Variants in LRBA observed in about 807,000 individuals in gnomAD.
LRBA encodes lipopolysaccharide-responsive and beige-like anchor protein.
A neutral mutation model predicts 330.0 loss-of-function variants in LRBA; 176 were observed. That is an observed-to-expected ratio of 0.53 (90% CI 0.47 to 0.60). The LOEUF (loss-of-function observed/expected upper bound fraction) is 0.60. LRBA is among the 20% of genes least tolerant of loss of function. The probability of loss-of-function intolerance (pLI) is 0.00; values close to 1 mark genes in which losing one functional copy is unlikely to be tolerated. For synonymous variants in LRBA, 1,230 were observed against 1,193.0 expected, an observed-to-expected ratio of 1.03 and a Z score of -0.64; for missense variants, 3,259 against 3,444.8, an observed-to-expected ratio of 0.95 and a Z score of 1.35.
At chr4:150,717,520 T>C (rs1728366072) in intron 36 of LRBA, among the ~76,000 whole-genome samples, 2 of 151,324 alleles carry the variant, frequency 1.3e-5, no homozygotes, top group Non-Finnish European at 2.9e-5. Context: ...ATTAGCCAGG[T>C]GTGGTGGTGT....
At chr4:150,902,395 C>G (rs1478691491) in intron 13 of LRBA, among the ~76,000 whole-genome samples, 1 of 151,928 alleles carries the variant, frequency 6.6e-6, no homozygotes, top group Non-Finnish European at 1.5e-5. Context: ...ATGCCTGAGT[C>G]CCATCCCAGT....
intron 40 of LRBA, among the ~76,000 whole-genome samples, chr4:150,508,090 A>AG (rs1297154868): frequency 2.4e-5 from 2 of 85,056 alleles, no homozygotes; most frequent in Non-Finnish European, 2.3e-5. Flanking sequence ...GGGTGGGGGG[A>AG]GGGGAGGGAT....
intron 36 of LRBA, among the ~76,000 whole-genome samples, chr4:150,695,934 C>T (rs1690827011): frequency 6.6e-6 from 1 of 152,090 alleles, no homozygotes; most frequent in African/African-American, 2.4e-5. Context: ...AAATCTTACA[C>T]TTAAATATCA....
Position 150,852,346 on chromosome 4 carries a change from C to T in LRBA, c.3364G>A (p.Glu1122Lys). ...ELKVEGSPTE[E>K]ANLPTELQDN... The stretch of plus-strand genomic sequence containing the variant: ...TGGAGCTCTGTGGGTAGATTAGCTT[C>T]CTCAGTAGGACTGCCTTCTACTTTC... Residue 1122 changes from glutamate (E) to lysine (K), a missense_variant, in exon 23 of 57, where the codon GAA becomes AAA. Glu to Lys is a moderately conservative substitution (Grantham distance 56, BLOSUM62 1). Transcript: ENST00000651943. The T allele has an allele frequency of 6.2e-7, 1 of 1,613,906 alleles. No homozygotes were observed. Among genetic ancestry groups the T allele is most frequent in the Non-Finnish European group, 8.5e-7 (1 of 1,179,992 alleles).
At chr4:150,269,766 T>C (rs1034297866) in intron 56 of LRBA, among the ~76,000 whole-genome samples, 3 of 152,204 alleles carry the variant, frequency 2.0e-5, no homozygotes, top group Admixed American at 1.3e-4. Context: ...CTGGGCAACA[T>C]AGTGAGACCC....
chr4:150,693,541 G>C (rs1784336910), intron 36 of LRBA, among the ~76,000 whole-genome samples: 1 of 114,382 alleles, frequency 8.7e-6, no homozygotes, highest in African/African-American at 3.1e-5. Context: ...TCCAGCCTGG[G>C]TGACAGAGCG....
At chr4:150,456,363 T>C (rs1259746168) in intron 44 of LRBA, among the ~76,000 whole-genome samples, 1 of 152,176 alleles carries the variant, frequency 6.6e-6, no homozygotes, top group East Asian at 1.9e-4. Flanking sequence ...ACATAAGCCA[T>C]TTTAATTGGA....
chr4:150,570,335 T>C (rs922817173), intron 40 of LRBA, among the ~76,000 whole-genome samples: 1 of 152,102 alleles, frequency 6.6e-6, no homozygotes, highest in African/African-American at 2.4e-5. Context: ...GTAGGCTGCA[T>C]GAACAATCAT....
chr4:150,277,392 A>T (rs1171874784), intron 56 of LRBA, among the ~76,000 whole-genome samples: 1 of 152,138 alleles, frequency 6.6e-6, no homozygotes, highest in African/African-American at 2.4e-5. Context: ...CGTTCTGCAC[A>T]TGTACCCCAG....
intron 40 of LRBA, among the ~76,000 whole-genome samples, chr4:150,551,143 T>C (rs1766534015): frequency 6.6e-6 from 1 of 152,142 alleles, no homozygotes; most frequent in African/African-American, 2.4e-5. Context: ...TCTCTCTGTC[T>C]CACATGCTCA....
chr4:150,745,753 A>G (rs1000104749), intron 35 of LRBA, among the ~76,000 whole-genome samples: 1 of 152,106 alleles, frequency 6.6e-6, no homozygotes, highest in African/African-American at 2.4e-5. Flanking sequence ...TGATCTCATG[A>G]TCTGCCCGCC....
chr4:150,903,073 A>G (rs1324954550), intron 13 of LRBA, among the ~76,000 whole-genome samples: 1 of 152,216 alleles, frequency 6.6e-6, no homozygotes, highest in Non-Finnish European at 1.5e-5. Flanking sequence ...AAGAAATTAT[A>G]AGAGTCATAT....
chr4:150,347,915 A>G (rs894719223), intron 48 of LRBA, among the ~76,000 whole-genome samples: 4 of 151,806 alleles, frequency 2.6e-5, no homozygotes, highest in African/African-American at 9.7e-5. Flanking sequence ...AAAGACAAAC[A>G]TAAGTCTTCT....
At chr4:150,549,348 T>G (rs1303947623) in intron 40 of LRBA, among the ~76,000 whole-genome samples, 1 of 151,968 alleles carries the variant, frequency 6.6e-6, no homozygotes, top group Non-Finnish European at 1.5e-5. Flanking sequence ...TTTATTTTTT[T>G]TTAGATGGAG....
intron 30 of LRBA, among the ~76,000 whole-genome samples, chr4:150,825,018 G>A (rs1191530192): frequency 1.3e-5 from 2 of 150,480 alleles, no homozygotes; most frequent in African/African-American, 4.9e-5. Flanking sequence ...TCCCACCTCA[G>A]CCCACAAAAT....
chr4:150,934,002 C>A lies in LRBA; in HGVS notation c.217-4937G>T, dbSNP rs565579655. Among the ~76,000 whole-genome samples, 71 of 151,072 alleles carry A rather than the reference C, an allele frequency of 4.7e-4. 2 individuals are homozygous for A. Among genetic ancestry groups the A allele is most frequent in the Admixed American group, 4.2e-3 (64 of 15,152 alleles). ...TTGTGCCACTGCACTCCAGCCTGGG[C>A]GACAGGGCAAGACCCTGTCTCAAAA... On this transcript the variant is annotated intron_variant, in intron 2 of 56. Coordinates refer to ENST00000651943, the MANE Select transcript of LRBA (RefSeq NM_001364905.1).
At chr4:150,566,279 T>C in intron 40 of LRBA, among the ~76,000 whole-genome samples, 1 of 152,142 alleles carries the variant, frequency 6.6e-6, no homozygotes, top group East Asian at 1.9e-4. Flanking sequence ...TGTGCTTTTA[T>C]CTTTTGAAAT....
At chr4:150,966,449 C>G (rs1201860455) in intron 2 of LRBA, among the ~76,000 whole-genome samples, 2 of 150,276 alleles carry the variant, frequency 1.3e-5, no homozygotes, top group Admixed American at 1.3e-4. Context: ...GCTGGGACTA[C>G]AGGTGCCCGC....
intron 47 of LRBA, among the ~76,000 whole-genome samples, chr4:150,390,109 C>T (rs1378913401): frequency 2.6e-5 from 4 of 151,962 alleles, no homozygotes; most frequent in Non-Finnish European, 4.4e-5. Context: ...AGTGTAAGAT[C>T]AATTTATTTG....
Sources: allele counts gnomAD v4.1 joint callset (sites outside exome capture counted in the v4.1 genomes callset), GRCh38; gene constraint gnomAD v4.1.1; transcripts MANE v1.5; gene names NCBI Gene and HGNC (gene_info 2026-07-23, HGNC 2026-07-21).